The following OSBPL3 variants were observed in gnomAD, a reference collection of about 807,000 sequenced individuals.
OSBPL3 encodes the protein oxysterol-binding protein-related protein 3.
In OSBPL3, 65 loss-of-function variants were observed where a neutral mutation model predicts 120.1. The ratio of observed to expected loss-of-function variants is 0.54; its 90% CI spans 0.44 to 0.67. The LOEUF is 0.67. Among genes scored for constraint, OSBPL3 ranks in the 30% least tolerant of loss-of-function variants. OSBPL3 has a pLI of 0.00. For synonymous variants in OSBPL3, 416 were observed against 402.6 expected (o/e 1.03, Z -0.40); for missense variants, 1,004 against 1,082.1 (o/e 0.93, Z 1.01).
intron 10 of OSBPL3, among the ~76,000 whole-genome samples, chr7:24,857,460 G>T (rs73087742): frequency 0.014 from 2,091 of 152,306 alleles, 44 homozygotes; most frequent in South Asian, 0.027. Context: ...ATAAGCAATA[G>T]TAGGGACTCT....
intron 19 of OSBPL3, 107 bp downstream of exon 19, chr7:24,814,952 C>T: frequency 1.9e-6 from 2 of 1,035,796 alleles, no homozygotes; most frequent in Non-Finnish European, 2.9e-6. Flanking sequence ...TGCTTGCCTG[C>T]TGGCATAAAG....
chr7:24,913,498 C>G lies in OSBPL3; in HGVS notation c.-149-20877G>C, dbSNP rs1253626260. On this transcript the variant is annotated intron_variant, in intron 1 of 22. Coordinates refer to ENST00000313367, the MANE Select transcript of OSBPL3 (RefSeq NM_015550.4). This position sits in a 1 kb window ranked among gnomAD's most constrained non-coding sequence, Gnocchi z 5.3. ...AAACCCTGACTCCCTTATAAAGTCACTTACAAGAAGCAGACACGGTCTAGT... is the reference window on the plus strand; with the variant it reads ...AAACCCTGACTCCCTTATAAAGTCAGTTACAAGAAGCAGACACGGTCTAGT... Among the ~76,000 whole-genome samples the G allele has an allele frequency of 1.3e-5, 2 of 152,132 alleles. No individual in the cohort carries two copies. Among genetic ancestry groups the G allele is most frequent in the African/African-American group, 4.8e-5 (2 of 41,428 alleles).
intron 1 of OSBPL3, among the ~76,000 whole-genome samples, chr7:24,901,949 T>C (rs1161502457): frequency 6.6e-6 from 1 of 152,240 alleles, no homozygotes; most frequent in African/African-American, 2.4e-5. Flanking sequence ...CACTGTACGA[T>C]ACTGGGAAAT....
Position 24,868,365 on chromosome 7 carries a change from GTGTGTC to G in OSBPL3, c.382-2134_382-2129del, listed in dbSNP as rs370120598. On this transcript the variant is annotated intron_variant, in intron 5 of 22. Coordinates refer to ENST00000313367, the MANE Select transcript of OSBPL3 (RefSeq NM_015550.4). Reference sequence around the variant, plus strand: ...TGTGTGTGTGTGTGTGTGTGTGTGTGTGTGTCTGTGTGTGATGGTGTATTGATATTT... The same window carrying G: ...TGTGTGTGTGTGTGTGTGTGTGTGTGTGTGTGTGATGGTGTATTGATATTT... Among the ~76,000 whole-genome samples the G allele has an allele frequency of 9.4e-3, 1,289 of 137,318 alleles. 28 individuals are homozygous for G. Among genetic ancestry groups the G allele is most frequent in the East Asian group, 0.049 (143 of 2,926 alleles). 90.1% of individuals were successfully genotyped at this position (137,318 alleles called of 152,430 possible). A position where few individuals can be genotyped will look rare whatever the true frequency, so the allele number is the denominator to read the frequency against.
chr7:24,845,699 A>G (rs976007185), intron 12 of OSBPL3, among the ~76,000 whole-genome samples: 3 of 150,558 alleles, frequency 2.0e-5, no homozygotes, highest in Non-Finnish European at 3.0e-5. Flanking sequence ...TCCTTTTGCA[A>G]TTTTTTTCTA....
chr7:24,834,358 AACCTGTT>A lies in OSBPL3; in HGVS notation c.1746+121_1746+127del. On this transcript the variant is annotated intron_variant, in intron 15 of 22. Transcript: ENST00000313367. The surrounding 1 kb of genome is among the most constrained non-coding windows in gnomAD (Gnocchi z 5.2). Reference sequence around the variant, plus strand: ...GGAAGCCAGACAGCTCTGAGTAATGAACCTGTTTACGGAACAATCAAAATGAAACCGG... The same window carrying A: ...GGAAGCCAGACAGCTCTGAGTAATGATACGGAACAATCAAAATGAAACCGG... 1.3e-6 allele frequency: 2 copies of A among 1,507,278 alleles called. No individual in the cohort carries two copies. Among genetic ancestry groups the A allele is most frequent in the Non-Finnish European group, 1.8e-6 (2 of 1,128,290 alleles). The allele number at this position is 1,507,278 out of a possible 1,614,324, so 93.4% of individuals were successfully genotyped here.
At position 24,804,954 on chromosome 7, in the gene OSBPL3, C is replaced by T. The variant is rs1384765734; in HGVS notation, c.2445-517G>A. 1.3e-5 allele frequency among the ~76,000 whole-genome samples: 2 copies of T among 152,106 alleles called. No individual in the cohort carries two copies. Among genetic ancestry groups the T allele is most frequent in the East Asian group, 3.8e-4 (2 of 5,200 alleles). On this transcript the variant is annotated intron_variant, in intron 21 of 22. Transcript: ENST00000313367. This position sits in a 1 kb window ranked among gnomAD's most constrained non-coding sequence, Gnocchi z 5.4. ...CATTTTTTAATAGCCACATAATATCCAGTTGCGTGGATGTATATGAATTTA... is the reference window on the plus strand; with the variant it reads ...CATTTTTTAATAGCCACATAATATCTAGTTGCGTGGATGTATATGAATTTA...
intron 22 of OSBPL3, among the ~76,000 whole-genome samples, chr7:24,801,606 A>T (rs1489667375): frequency 6.6e-6 from 1 of 152,270 alleles, no homozygotes; most frequent in Non-Finnish European, 1.5e-5. Flanking sequence ...GGTAAGGGTC[A>T]GCAAACTATG....
chr7:24,944,401 G>T (rs1327186529), intron 1 of OSBPL3, among the ~76,000 whole-genome samples: 1 of 152,120 alleles, frequency 6.6e-6, no homozygotes, highest in Non-Finnish European at 1.5e-5. Context: ...GGCCAAGGCA[G>T]GCAGATCGGA....
intron 1 of OSBPL3, among the ~76,000 whole-genome samples, chr7:24,911,645 A>C (rs1808831532): frequency 2.0e-5 from 3 of 152,190 alleles, no homozygotes; most frequent in Admixed American, 1.3e-4. Flanking sequence ...AATTCTATAA[A>C]TCGAAGTCCC....
Position 24,806,708 on chromosome 7 carries a change from A to G in OSBPL3, c.2444+68T>C. 1 of 1,481,690 alleles carries G rather than the reference A, an allele frequency of 6.7e-7. No individual in the cohort carries two copies. Among genetic ancestry groups the G allele is most frequent in the Non-Finnish European group, 9.2e-7 (1 of 1,083,714 alleles). The allele number at this position is 1,481,690 out of a possible 1,614,324, so 91.8% of individuals were successfully genotyped here. On this transcript the variant is annotated intron_variant, in intron 21 of 22. Coordinates refer to ENST00000313367, the MANE Select transcript of OSBPL3 (RefSeq NM_015550.4). This position sits in a 1 kb window ranked among gnomAD's most constrained non-coding sequence, Gnocchi z 5.2. ...CTCAGGTGCCTCTGGTGGCCTAAGG[A>G]TTGTTAATAAGACTTTTTGTAAAGG... is the stretch of plus-strand genomic sequence containing the variant.
chr7:24,927,693 A>G (rs958728725), intron 1 of OSBPL3, among the ~76,000 whole-genome samples: 1 of 152,188 alleles, frequency 6.6e-6, no homozygotes, highest in African/African-American at 2.4e-5. Context: ...TAAGGGCATA[A>G]TAACAGAAGG....
chr7:24,945,518 T>C (rs930756596), intron 1 of OSBPL3, among the ~76,000 whole-genome samples: 12 of 152,240 alleles, frequency 7.9e-5, no homozygotes, highest in African/African-American at 2.7e-4. Flanking sequence ...CACTAAATAC[T>C]TGTTGAAAAC....
rs117926026 is a variant in OSBPL3, at chr7:24,879,865, T to C, written c.97-7796A>G. Reference sequence around the variant, plus strand: ...ATTTATGGCTACAATTACTTTGGCATGTTTTTAGGCCCCTCAGATATATTG... The same window carrying C: ...ATTTATGGCTACAATTACTTTGGCACGTTTTTAGGCCCCTCAGATATATTG... On this transcript the variant is annotated intron_variant, in intron 2 of 22. Transcript: ENST00000313367. The surrounding 1 kb of genome is among the most constrained non-coding windows in gnomAD (Gnocchi z 5.6). Among the ~76,000 whole-genome samples, 1,622 of 152,360 alleles carry C rather than the reference T, an allele frequency of 0.011. 17 individuals are homozygous for C. Among genetic ancestry groups the C allele is most frequent in the South Asian group, 0.02 (95 of 4,828 alleles).
chr7:24,965,152 T>A lies in OSBPL3; in HGVS notation c.-150+14734A>T, dbSNP rs768000734. ...GTCTTCAAAAAATATTTACTGTTAA[T>A]GCATGAGCGAAAGGATTCTACATCT... On this transcript the variant is annotated intron_variant, in intron 1 of 22. Transcript: ENST00000313367. This position sits in a 1 kb window ranked among gnomAD's most constrained non-coding sequence, Gnocchi z 4.3. Among the ~76,000 whole-genome samples, 22 of 152,250 alleles carry A rather than the reference T, an allele frequency of 1.4e-4. No homozygotes were observed. Among genetic ancestry groups the A allele is most frequent in the Non-Finnish European group, 2.8e-4 (19 of 68,030 alleles).
rs539803836 is a variant in OSBPL3, at chr7:24,854,545, C to T, written c.1028-1911G>A. Among the ~76,000 whole-genome samples, 7 of 151,200 alleles carry T rather than the reference C, an allele frequency of 4.6e-5. No homozygotes were observed. The South Asian group carries it at 8.4e-4, about 18-fold the overall frequency. ...ACACACACACACACACACAAACACACACAATGGTGCTGCCTCTGCCAACAG... is the reference window on the plus strand; with the variant it reads ...ACACACACACACACACACAAACACATACAATGGTGCTGCCTCTGCCAACAG... On this transcript the variant is annotated intron_variant, in intron 10 of 22. Coordinates refer to ENST00000313367, the MANE Select transcript of OSBPL3 (RefSeq NM_015550.4). The surrounding 1 kb of genome is among the most constrained non-coding windows in gnomAD (Gnocchi z 4.1).
At chr7:24,850,813 A>C (rs919570040) in intron 11 of OSBPL3, among the ~76,000 whole-genome samples, 6 of 152,264 alleles carry the variant, frequency 3.9e-5, no homozygotes, top group Non-Finnish European at 5.9e-5. Context: ...CTGTGCATAC[A>C]GCACCGACAT....
Position 24,854,443 on chromosome 7 carries a change from AT to A in OSBPL3, c.1028-1810del, listed in dbSNP as rs1203393516. Among the ~76,000 whole-genome samples, 2 of 151,330 alleles carry A rather than the reference AT, an allele frequency of 1.3e-5. No homozygotes were observed. Among genetic ancestry groups the A allele is most frequent in the African/African-American group, 4.9e-5 (2 of 41,162 alleles). The stretch of plus-strand genomic sequence containing the variant: ...TGCTGAACTTGTCTGAGGTTGTGGC[AT>A]TTAGTGATGGACCTGAAACATCTTA... On this transcript the variant is annotated intron_variant, in intron 10 of 22. Coordinates refer to ENST00000313367, the MANE Select transcript of OSBPL3 (RefSeq NM_015550.4). This position sits in a 1 kb window ranked among gnomAD's most constrained non-coding sequence, Gnocchi z 4.1.
chr7:24,861,400 C>T (rs1023969978), intron 10 of OSBPL3, among the ~76,000 whole-genome samples: 5 of 152,154 alleles, frequency 3.3e-5, no homozygotes, highest in Non-Finnish European at 7.4e-5. Context: ...AAAGTACTAA[C>T]TCTCTCTCAT....
Sources: allele counts gnomAD v4.1 joint callset (sites outside exome capture counted in the v4.1 genomes callset), GRCh38; gene constraint gnomAD v4.1.1; non-coding constraint Gnocchi (gnomAD v3.1); transcripts MANE v1.5; gene names NCBI Gene and HGNC (gene_info 2026-07-23, HGNC 2026-07-21).